Variants in CMTM8 observed in about 807,000 individuals in gnomAD.
The protein encoded by CMTM8 is CKLF-like MARVEL transmembrane domain-containing protein 8.
A neutral mutation model predicts 18.6 loss-of-function variants in CMTM8; 12 were observed. The ratio of observed to expected loss-of-function variants is 0.65; its 90% CI spans 0.41 to 1.05. The LOEUF is 1.05. Among genes scored for constraint, CMTM8 ranks in the 50% least tolerant of loss-of-function variants. The pLI is 0.00. For missense variants in CMTM8, 217 were observed against 227.2 expected, an observed-to-expected ratio of 0.95 and a Z score of 0.29; for synonymous variants, 87 against 90.6, an observed-to-expected ratio of 0.96 and a Z score of 0.23.
At chr3:32,364,364 C>T (rs112606849) in intron 2 of CMTM8, among the ~76,000 whole-genome samples, 2,580 of 152,160 alleles carry the variant, frequency 0.017, 76 homozygotes, top group African/African-American at 0.059. Context: ...ATTAGCCAGG[C>T]GTGGTAGCAT....
At chr3:32,242,934 C>T (rs1701962089) in intron 1 of CMTM8, among the ~76,000 whole-genome samples, 1 of 151,672 alleles carries the variant, frequency 6.6e-6, no homozygotes, top group Non-Finnish European at 1.5e-5. Context: ...TAATGTCACT[C>T]AGGCTGGAAT....
At chr3:32,315,903 G>A (rs1695918556) in intron 1 of CMTM8, among the ~76,000 whole-genome samples, 1 of 151,500 alleles carries the variant, frequency 6.6e-6, no homozygotes, top group Non-Finnish European at 1.5e-5. Flanking sequence ...TAATGAATTG[G>A]ATCCATTTTG....
At chr3:32,304,102 A>T (rs1302493704) in intron 1 of CMTM8, among the ~76,000 whole-genome samples, 2 of 152,192 alleles carry the variant, frequency 1.3e-5, no homozygotes, top group African/African-American at 4.8e-5. Flanking sequence ...TCAGCCTGTT[A>T]GACCATTTGG....
chr3:32,337,918 T>C (rs1021510008), intron 1 of CMTM8, among the ~76,000 whole-genome samples: 2 of 151,868 alleles, frequency 1.3e-5, no homozygotes, highest in African/African-American at 4.8e-5. Flanking sequence ...GTGGCAGAAC[T>C]GAGTAGTTGT....
intron 1 of CMTM8, among the ~76,000 whole-genome samples, chr3:32,345,181 A>G (rs992717838): frequency 3.3e-5 from 5 of 152,074 alleles, no homozygotes; most frequent in Admixed American, 3.3e-4. Context: ...TCGTTTCTAC[A>G]AGTTAAAAAA....
chr3:32,283,246 T>A (rs565958171), intron 1 of CMTM8, among the ~76,000 whole-genome samples: 1 of 152,340 alleles, frequency 6.6e-6, no homozygotes, highest in East Asian at 1.9e-4. Context: ...GGTCATCTTG[T>A]CCCTGCTATT....
intron 1 of CMTM8, among the ~76,000 whole-genome samples, chr3:32,294,228 T>C (rs955174713): frequency 3.3e-5 from 5 of 152,208 alleles, no homozygotes; most frequent in Non-Finnish European, 7.3e-5. Flanking sequence ...CTCAGCCTAG[T>C]CTGCTTTTCC....
intron 1 of CMTM8, among the ~76,000 whole-genome samples, chr3:32,328,370 C>CAA (rs796201249): frequency 0.26 from 18,669 of 73,142 alleles, 2,275 homozygotes; most frequent in Non-Finnish European, 0.31. Flanking sequence ...ACCCTGTCTC[C>CAA]AAAAAAAAAA....
chr3:32,238,939 C>T lies in CMTM8; in HGVS notation c.-34C>T, dbSNP rs1195730523. The T allele has an allele frequency of 2.0e-6, 3 of 1,538,382 alleles. No homozygotes were observed. Among genetic ancestry groups the T allele is most frequent in the Non-Finnish European group, 1.8e-6 (2 of 1,141,072 alleles). ...GTCCAGCCCCAGACCCGCCGGGGTC[C>T]CTGGGGACGCGCCAGCCCGGCAGTG... On this transcript the variant is annotated 5_prime_UTR_variant, in exon 1 of 4. Transcript: ENST00000307526.
At position 32,238,714 on chromosome 3, in the gene CMTM8, C is replaced by G. The variant is rs1454881847; in HGVS notation, c.-259C>G. 1 of 226,622 alleles carries G rather than the reference C, an allele frequency of 4.4e-6. No individual in the cohort carries two copies. Among genetic ancestry groups the G allele is most frequent in the Non-Finnish European group, 8.5e-6 (1 of 117,198 alleles). The allele number at this position is 226,622 out of a possible 1,614,324, so 14.0% of individuals were successfully genotyped here. On this transcript the variant is annotated 5_prime_UTR_variant, in exon 1 of 4. Coordinates refer to ENST00000307526, the MANE Select transcript of CMTM8 (RefSeq NM_178868.5). ...GCCTTCCCCGGCTGCCCGGCAGCCT[C>G]CCCTCGCTCGCTCTCCTCTTCCTCT...
chr3:32,347,297 G>GTTTTTTTTTTTTT (rs56826485), intron 1 of CMTM8, among the ~76,000 whole-genome samples: 2,425 of 134,686 alleles, frequency 0.018, 59 homozygotes, highest in East Asian at 0.042. Flanking sequence ...TTTTGCTTAG[G>GTTTTTTTTTTTTT]TTTTTTTTTT....
At position 32,369,880 on chromosome 3, in the gene CMTM8, C is replaced by T. The variant is rs1308205911; in HGVS notation, c.439-4C>T. On this transcript the variant is annotated splice_polypyrimidine_tract_variant and splice_region_variant and intron_variant, in intron 3 of 3. Coordinates refer to ENST00000307526, the MANE Select transcript of CMTM8 (RefSeq NM_178868.5). ...CCACTTCTATTATGCTTTGTTTTCT[C>T]CAGTTCTTTGCCTTCCTGGTCACCA... is the stretch of plus-strand genomic sequence containing the variant. 1.9e-6 allele frequency: 3 copies of T among 1,602,884 alleles called. No individual in the cohort carries two copies. In the South Asian group the frequency reaches 3.3e-5, roughly 18 times the overall value.
chr3:32,350,359 CTT>C (rs527757254), intron 1 of CMTM8, among the ~76,000 whole-genome samples: 14 of 136,094 alleles, frequency 1.0e-4, no homozygotes, highest in Admixed American at 3.0e-4. Flanking sequence ...GTGTTCTAAG[CTT>C]TTTTTTTTTT....
At chr3:32,332,097 A>G (rs563986018) in intron 1 of CMTM8, among the ~76,000 whole-genome samples, 3 of 152,206 alleles carry the variant, frequency 2.0e-5, no homozygotes, top group Admixed American at 1.3e-4. Context: ...CAACACCTTA[A>G]TTGTGAGGCA....
intron 1 of CMTM8, among the ~76,000 whole-genome samples, chr3:32,278,061 G>A (rs1033939625): frequency 3.3e-5 from 5 of 152,218 alleles, no homozygotes; most frequent in African/African-American, 4.8e-5. Context: ...GGTTTTCCCT[G>A]TTCTCTGCAG....
chr3:32,320,926 A>G (rs1696032783), intron 1 of CMTM8, among the ~76,000 whole-genome samples: 1 of 152,186 alleles, frequency 6.6e-6, no homozygotes, highest in Non-Finnish European at 1.5e-5. Flanking sequence ...TTACTTTAAC[A>G]GATAATAAAC....
At chr3:32,308,876 G>T (rs1168778196) in intron 1 of CMTM8, among the ~76,000 whole-genome samples, 1 of 152,114 alleles carries the variant, frequency 6.6e-6, no homozygotes, top group Non-Finnish European at 1.5e-5. Context: ...TCAGAATTTG[G>T]GGTCACAGCA....
Position 32,272,458 on chromosome 3 carries a change from G to A in CMTM8, c.147+33339G>A, listed in dbSNP as rs371750089. ...TAAAACTCTAATTAAATGTGTGTTA[G>A]ATCCTTAGACTCTATCTTCCATGTC... is the stretch of plus-strand genomic sequence containing the variant. On this transcript the variant is annotated intron_variant, in intron 1 of 3. Transcript: ENST00000307526. Among the ~76,000 whole-genome samples, 12 of 152,150 alleles carry A rather than the reference G, an allele frequency of 7.9e-5. No homozygotes were observed. The East Asian group carries it at 1.7e-3, about 22-fold the overall frequency.
At chr3:32,302,248 T>C (rs1303630582) in intron 1 of CMTM8, among the ~76,000 whole-genome samples, 1 of 152,170 alleles carries the variant, frequency 6.6e-6, no homozygotes, top group South Asian at 2.1e-4. Flanking sequence ...CCGTGAGCTA[T>C]GATTGCACCA....
Sources: allele counts gnomAD v4.1 joint callset (sites outside exome capture counted in the v4.1 genomes callset), GRCh38; gene constraint gnomAD v4.1.1; transcripts MANE v1.5; gene names NCBI Gene and HGNC (gene_info 2026-07-23, HGNC 2026-07-21).